YPEL3: variants seen among roughly 807,000 people sequenced by gnomAD.
YPEL3 encodes protein yippee-like 3.
In YPEL3, 5 loss-of-function variants were observed where a neutral mutation model predicts 17.5. That is an observed-to-expected ratio of 0.29 (90% CI 0.15 to 0.60). YPEL3 has a LOEUF of 0.60. Among genes scored for constraint, YPEL3 ranks in the 20% least tolerant of loss-of-function variants. The pLI is 0.87. For synonymous variants in YPEL3, 87 were observed against 87.2 expected (o/e 1.00, Z 0.01); for missense variants, 155 against 211.4 (o/e 0.73, Z 1.65).
chr16:30,094,628 AC>A (rs748440288), intron 3 of YPEL3, 160 bp downstream of exon 3: 25 of 704,426 alleles, frequency 3.5e-5, no homozygotes, highest in Non-Finnish European at 5.8e-5. Context: ...AAAGTTCTAC[AC>A]CCCTTGCAAG....
rs991569139 is a variant in YPEL3, at chr16:30,095,875, G to T, written c.-393C>A. On this transcript the variant is annotated 5_prime_UTR_variant, in exon 1 of 4. Transcript: ENST00000398841. The surrounding 1 kb of genome is among the most constrained non-coding windows in gnomAD (Gnocchi z 5.4). ...CCACCTGGAGGAGGTAGGAGGCCTC[G>T]CCGTGAAGGTTGAGGGTCACCTAGG... 22 of 200,810 alleles carry T rather than the reference G, an allele frequency of 1.1e-4. No homozygotes were observed. The highest frequency in any genetic ancestry group is 7.7e-4 in the South Asian group (6 of 7,802). The allele number at this position is 200,810 out of a possible 1,614,324, so 12.4% of individuals were successfully genotyped here. A position where few individuals can be genotyped will look rare whatever the true frequency, so the allele number is the denominator to read the frequency against.
chr16:30,092,521 C>CG lies in YPEL3; in HGVS notation c.*188dup, dbSNP rs1333389522. On this transcript the variant is annotated 3_prime_UTR_variant, in exon 4 of 4. Transcript: ENST00000398841. ...CAAGCCAGCCAGATCGCAGGAGGTG[C>CG]GGGGGCGTCGTCCCCCTTCTGTTCT... 3 of 573,836 alleles carry CG rather than the reference C, an allele frequency of 5.2e-6. No individual in the cohort carries two copies. The highest frequency in any genetic ancestry group is 6.1e-5 in the Admixed American group (2 of 32,776). 35.5% of individuals were successfully genotyped at this position (573,836 alleles called of 1,614,324 possible).
At position 30,095,954 on chromosome 16, in the gene YPEL3, C is replaced by G. The variant is rs1388494394; in HGVS notation, c.-472G>C. The stretch of plus-strand genomic sequence containing the variant: ...AAGGCCTCCTCTACGCTCAGGGGCT[C>G]TTACCTGCAACGCGGAGCCTTACCT... On this transcript the variant is annotated 5_prime_UTR_variant, in exon 1 of 4. Transcript: ENST00000398841. The surrounding 1 kb of genome is among the most constrained non-coding windows in gnomAD (Gnocchi z 5.4). The G allele has an allele frequency of 7.0e-6, 1 of 143,628 alleles. No homozygotes were observed. The highest frequency in any genetic ancestry group is 1.5e-5 in the Non-Finnish European group (1 of 67,234). 8.9% of individuals were successfully genotyped at this position (143,628 alleles called of 1,614,324 possible).
intron 3 of YPEL3, chr16:30,094,524 G>A (rs1239886487): frequency 1.6e-5 from 8 of 499,992 alleles, no homozygotes; most frequent in Non-Finnish European, 2.9e-5. Context: ...AACAGTGCAA[G>A]GCACATAAAC....
intron 3 of YPEL3, 148 bp from the exon 4 acceptor site, chr16:30,092,947 T>C (rs2072750081): frequency 3.1e-6 from 2 of 647,392 alleles, no homozygotes; most frequent in Non-Finnish European, 5.4e-6. Flanking sequence ...AAACACAGAG[T>C]AGAATAGAAC....
intron 3 of YPEL3, chr16:30,094,577 G>T: frequency 1.7e-6 from 1 of 602,622 alleles, no homozygotes; most frequent in Non-Finnish European, 3.0e-6. Flanking sequence ...ACTCTCTAAT[G>T]GGGATCCAAG....
chr16:30,093,143 A>G (rs1251303737), intron 3 of YPEL3, among the ~76,000 whole-genome samples: 1 of 152,234 alleles, frequency 6.6e-6, no homozygotes, highest in East Asian at 1.9e-4. Context: ...GTATTAAAAT[A>G]TAAGTAGGCC....
intron 3 of YPEL3, among the ~76,000 whole-genome samples, chr16:30,093,060 G>C (rs1377198035): frequency 6.6e-6 from 1 of 152,222 alleles, no homozygotes; most frequent in Non-Finnish European, 1.5e-5. Context: ...CAAACTGGTA[G>C]CTTCATGGCC....
chr16:30,095,702 T>C lies in YPEL3; in HGVS notation c.-220A>G, dbSNP rs1161836915. The C allele has an allele frequency of 3.9e-6, 2 of 508,626 alleles. No individual in the cohort carries two copies. The highest frequency in any genetic ancestry group is 6.0e-5 in the East Asian group (2 of 33,492). 31.5% of individuals were successfully genotyped at this position (508,626 alleles called of 1,614,324 possible). A position where few individuals can be genotyped will look rare whatever the true frequency, so the allele number is the denominator to read the frequency against. ...CCCTTGCTGACCTGGCAGCTGAAGC[T>C]GGAGGAAGGGGCTTTGGAGGGGCTG... On this transcript the variant is annotated 5_prime_UTR_variant, in exon 1 of 4. Coordinates refer to ENST00000398841, the MANE Select transcript of YPEL3 (RefSeq NM_031477.5). The surrounding 1 kb of genome is among the most constrained non-coding windows in gnomAD (Gnocchi z 5.4).
At chr16:30,092,933 T>C in intron 3 of YPEL3, 134 bp from the exon 4 acceptor site, 1 of 696,644 alleles carries the variant, frequency 1.4e-6, no homozygotes, top group South Asian at 1.7e-5. Context: ...GCCGTATTTC[T>C]CACAAACACA....
In YPEL3 at chr16:30,096,030, G is replaced by A. The variant is rs1473533826; in HGVS notation, c.-548C>T. 1 of 151,012 alleles carries A rather than the reference G, an allele frequency of 6.6e-6. No individual in the cohort carries two copies. Among genetic ancestry groups the A allele is most frequent in the Non-Finnish European group, 1.5e-5 (1 of 67,670 alleles). The allele number at this position is 151,012 out of a possible 1,614,324, so 9.4% of individuals were successfully genotyped here. On this transcript the variant is annotated 5_prime_UTR_variant, in exon 1 of 4. Transcript: ENST00000398841. ...GGGGGTGGGGGCGGGCGCCGGGGGAGGGGGCAGTCCTCGCGGGCTGGGCAG... is the reference window on the plus strand; with the variant it reads ...GGGGGTGGGGGCGGGCGCCGGGGGAAGGGGCAGTCCTCGCGGGCTGGGCAG...
Position 30,095,505 on chromosome 16 carries a change from G to A in YPEL3, c.-23C>T, listed in dbSNP as rs1488541613. On this transcript the variant is annotated 5_prime_UTR_variant, in exon 1 of 4. Coordinates refer to ENST00000398841, the MANE Select transcript of YPEL3 (RefSeq NM_031477.5). This position sits in a 1 kb window ranked among gnomAD's most constrained non-coding sequence, Gnocchi z 5.4. ...CATGCGAGGCACTCCCAGAGCCGTG[G>A]GGACTCGCTCTGTCACACTGGGCTG... The A allele has an allele frequency of 2.3e-5, 34 of 1,471,394 alleles. No homozygotes were observed. The highest frequency in any genetic ancestry group is 3.0e-5 in the Non-Finnish European group (33 of 1,108,926). 91.1% of individuals were successfully genotyped at this position (1,471,394 alleles called of 1,614,324 possible). A position where few individuals can be genotyped will look rare whatever the true frequency, so the allele number is the denominator to read the frequency against.
rs1437508565 is a variant in YPEL3, at chr16:30,096,143, G to A, written c.-661C>T. Reference sequence around the variant, plus strand: ...CGGTCCGCCGGGGTGGGCTGGCCTGGGAGTGGGGGGCGCTCCTGGCGGGCG... The same window carrying A: ...CGGTCCGCCGGGGTGGGCTGGCCTGAGAGTGGGGGGCGCTCCTGGCGGGCG... On this transcript the variant is annotated 5_prime_UTR_variant, in exon 1 of 4. Coordinates refer to ENST00000398841, the MANE Select transcript of YPEL3 (RefSeq NM_031477.5). The A allele has an allele frequency of 6.7e-6, 1 of 150,356 alleles. No homozygotes were observed. Among genetic ancestry groups the A allele is most frequent in the Admixed American group, 6.6e-5 (1 of 15,120 alleles). 9.3% of individuals were successfully genotyped at this position (150,356 alleles called of 1,614,324 possible). A position where few individuals can be genotyped will look rare whatever the true frequency, so the allele number is the denominator to read the frequency against.
At chr16:30,093,194 C>T (rs1416207361) in intron 3 of YPEL3, among the ~76,000 whole-genome samples, 1 of 152,216 alleles carries the variant, frequency 6.6e-6, no homozygotes, top group Non-Finnish European at 1.5e-5. Context: ...CAACTCCCAA[C>T]CCTGCCAATC....
rs1158523432 is a variant in YPEL3, at chr16:30,095,346, TTGGGCTTTGAAATCCGCACCATG to T, written c.114_136del (p.Met39AspfsTer8). On this transcript the variant is annotated frameshift_variant, in exon 1 of 4. Transcript: ENST00000398841. LOFTEE classifies it high-confidence loss of function. This position sits in a 1 kb window ranked among gnomAD's most constrained non-coding sequence, Gnocchi z 5.4. ...ATCATCCAAGTAGGCCTGAAACGTC[TTGGGCTTTGAAATCCGCACCATG>T]GCGGGGGCCGGGGGCAGTGGCCCCA... 1 of 1,614,084 alleles carries T rather than the reference TTGGGCTTTGAAATCCGCACCATG, an allele frequency of 6.2e-7. No homozygotes were observed. Among genetic ancestry groups the T allele is most frequent in the Non-Finnish European group, 8.5e-7 (1 of 1,180,046 alleles).
Position 30,096,042 on chromosome 16 carries a change from C to A in YPEL3, c.-560G>T, listed in dbSNP as rs2072790426. The A allele has an allele frequency of 7.0e-6, 1 of 143,620 alleles. No homozygotes were observed. The highest frequency in any genetic ancestry group is 2.6e-5 in the African/African-American group (1 of 38,628). The allele number at this position is 143,620 out of a possible 1,614,324, so 8.9% of individuals were successfully genotyped here. On this transcript the variant is annotated 5_prime_UTR_variant, in exon 1 of 4. Coordinates refer to ENST00000398841, the MANE Select transcript of YPEL3 (RefSeq NM_031477.5). ...GGGCGCCGGGGGAGGGGGCAGTCCTCGCGGGCTGGGCAGGGGCGCGGGGCG... is the reference window on the plus strand; with the variant it reads ...GGGCGCCGGGGGAGGGGGCAGTCCTAGCGGGCTGGGCAGGGGCGCGGGGCG...
At position 30,095,533 on chromosome 16, in the gene YPEL3, C is replaced by A. The variant is rs1292231974; in HGVS notation, c.-51G>T. 3 of 1,403,528 alleles carry A rather than the reference C, an allele frequency of 2.1e-6. No individual in the cohort carries two copies. Among genetic ancestry groups the A allele is most frequent in the Non-Finnish European group, 1.9e-6 (2 of 1,063,212 alleles). The allele number at this position is 1,403,528 out of a possible 1,614,324, so 86.9% of individuals were successfully genotyped here. Reference sequence around the variant, plus strand: ...ACTCGCTCTGTCACACTGGGCTGCTCTCTCCTTTCCCCAGAGCCAGCAGCC... The same window carrying A: ...ACTCGCTCTGTCACACTGGGCTGCTATCTCCTTTCCCCAGAGCCAGCAGCC... On this transcript the variant is annotated 5_prime_UTR_variant, in exon 1 of 4. Coordinates refer to ENST00000398841, the MANE Select transcript of YPEL3 (RefSeq NM_031477.5). This position sits in a 1 kb window ranked among gnomAD's most constrained non-coding sequence, Gnocchi z 5.4.
Position 30,095,130 on chromosome 16 carries a change from T to C in YPEL3, c.248A>G (p.Gln83Arg). 1 of 1,614,120 alleles carries C rather than the reference T, an allele frequency of 6.2e-7. No individual in the cohort carries two copies. Among genetic ancestry groups the C allele is most frequent in the Non-Finnish European group, 8.5e-7 (1 of 1,180,002 alleles). Residue 83 changes from glutamine to arginine, a missense_variant, in exon 2 of 4, where the codon CAG (glutamine) becomes CGG (arginine). This residue lies in a region of YPEL3 where 74 missense variants were observed against 134.9 expected (regional missense o/e 0.55). Coordinates refer to ENST00000398841, the MANE Select transcript of YPEL3 (RefSeq NM_031477.5). This position sits in a 1 kb window ranked among gnomAD's most constrained non-coding sequence, Gnocchi z 5.4. ...TGAGTTGAAGAGGTAGGCACGCCCC[T>C]GACTGCCCTGGAAGGACTAAAGGGT... ...DLISKSFQGS[Q>R]GRAYLFNSVV...
At position 30,095,022 on chromosome 16, in the gene YPEL3, T is replaced by G; in HGVS notation, c.275+81A>C. 6.2e-7 allele frequency: 1 copy of G among 1,605,736 alleles called. No homozygotes were observed. Among genetic ancestry groups the G allele is most frequent in the Non-Finnish European group, 8.5e-7 (1 of 1,173,500 alleles). ...CAATTTCCTGCCTGCACCGGGGAAC[T>G]CTGGGAGTCTCAGCAGGATGCCAGG... On this transcript the variant is annotated intron_variant, in intron 2 of 3. Coordinates refer to ENST00000398841, the MANE Select transcript of YPEL3 (RefSeq NM_031477.5). The surrounding 1 kb of genome is among the most constrained non-coding windows in gnomAD (Gnocchi z 5.4).
Sources: allele counts gnomAD v4.1 joint callset (sites outside exome capture counted in the v4.1 genomes callset), GRCh38; gene constraint gnomAD v4.1.1; regional missense constraint gnomAD v4.1.1; non-coding constraint Gnocchi (gnomAD v3.1); transcripts MANE v1.5; gene names NCBI Gene and HGNC (gene_info 2026-07-23, HGNC 2026-07-21).